Variants in SHC3 observed in about 807,000 individuals in gnomAD.
SHC3 encodes SHC adaptor protein 3, also known as SHC-transforming protein 3.
In SHC3, 15 loss-of-function variants were observed where a neutral mutation model predicts 60.4. The observed-to-expected ratio is 0.25, with a 90% CI of 0.17 to 0.38. The LOEUF is 0.38. SHC3 is among the 10% of genes least tolerant of loss of function. SHC3 has a pLI of 1.00. For missense variants in SHC3, 677 were observed against 786.1 expected (o/e 0.86, Z 1.66); for synonymous variants, 294 against 325.9 (o/e 0.90, Z 1.05).
chr9:89,014,351 C>T (rs1826060839), intron 11 of SHC3, among the ~76,000 whole-genome samples: 1 of 152,206 alleles, frequency 6.6e-6, no homozygotes, highest in Non-Finnish European at 1.5e-5. Context: ...ATATCACTCA[C>T]ACTTGAAAAA....
chr9:89,065,109 C>T lies in SHC3; in HGVS notation c.835+420G>A, dbSNP rs74357251. Among the ~76,000 whole-genome samples, 420 of 152,210 alleles carry T rather than the reference C, an allele frequency of 2.8e-3. 3 individuals carry two copies. The highest frequency in any genetic ancestry group is 9.8e-3 in the African/African-American group (405 of 41,516). ...AGCTGAAAGGGATATAATCAGACAGCGCCTGAGCTCAGACACTAACCTCTA... is the reference window on the plus strand; with the variant it reads ...AGCTGAAAGGGATATAATCAGACAGTGCCTGAGCTCAGACACTAACCTCTA... On this transcript the variant is annotated intron_variant, in intron 6 of 11. Coordinates refer to ENST00000375835, the MANE Select transcript of SHC3 (RefSeq NM_016848.6).
chr9:89,082,033 C>T (rs1471846732), intron 2 of SHC3, among the ~76,000 whole-genome samples: 1 of 151,724 alleles, frequency 6.6e-6, no homozygotes, highest in Non-Finnish European at 1.5e-5. Flanking sequence ...CAGGCGACCC[C>T]CTTGGTGCTC....
chr9:89,074,978 A>T, intron 4 of SHC3, 131 bp downstream of exon 4: 1 of 1,237,252 alleles, frequency 8.1e-7, no homozygotes. Context: ...AAGTGGCCAA[A>T]GTTCATACTC....
chr9:89,128,792 T>C (rs545253331), intron 1 of SHC3, among the ~76,000 whole-genome samples: 4 of 152,192 alleles, frequency 2.6e-5, no homozygotes, highest in Admixed American at 6.5e-5. Context: ...ACTACAAAGA[T>C]TGGGAGAAAC....
chr9:89,081,507 ACT>A (rs1409522851), intron 2 of SHC3, among the ~76,000 whole-genome samples: 1 of 150,152 alleles, frequency 6.7e-6, no homozygotes, highest in Non-Finnish European at 1.5e-5. Flanking sequence ...GAACCCTGAG[ACT>A]CTAAAGTTCC....
At chr9:89,016,812 C>T (rs567782955) in intron 11 of SHC3, among the ~76,000 whole-genome samples, 3 of 152,166 alleles carry the variant, frequency 2.0e-5, no homozygotes, top group Non-Finnish European at 4.4e-5. Context: ...AAGAATTATA[C>T]ACCACAACCA....
intron 2 of SHC3, among the ~76,000 whole-genome samples, chr9:89,080,967 C>T (rs986933190): frequency 2.0e-4 from 30 of 151,868 alleles, no homozygotes; most frequent in African/African-American, 5.3e-4. Context: ...GGGGTTTCAC[C>T]GTATTAGCCA....
chr9:89,030,701 G>A (rs1025855000), intron 11 of SHC3, among the ~76,000 whole-genome samples: 7 of 152,112 alleles, frequency 4.6e-5, no homozygotes, highest in Non-Finnish European at 1.0e-4. Flanking sequence ...TTACCTGTTT[G>A]TTGGAATCAG....
intron 2 of SHC3, among the ~76,000 whole-genome samples, chr9:89,098,074 T>G (rs1012928860): frequency 1.3e-5 from 2 of 152,194 alleles, no homozygotes; most frequent in Non-Finnish European, 2.9e-5. Flanking sequence ...ACACAACAAT[T>G]TCTATTGTCT....
At chr9:89,102,781 A>C (rs1343839247) in intron 2 of SHC3, among the ~76,000 whole-genome samples, 1 of 152,208 alleles carries the variant, frequency 6.6e-6, no homozygotes, top group Non-Finnish European at 1.5e-5. Context: ...TTTCACTTAA[A>C]GTTGCAGTTT....
intron 11 of SHC3, among the ~76,000 whole-genome samples, chr9:89,018,700 T>C (rs1826143066): frequency 9.2e-6 from 1 of 109,028 alleles, no homozygotes; most frequent in South Asian, 2.9e-4. Flanking sequence ...TCTTTCTTTC[T>C]TTTTTTTTTT....
chr9:89,139,894 A>G (rs1282140536), intron 1 of SHC3, among the ~76,000 whole-genome samples: 3 of 152,194 alleles, frequency 2.0e-5, no homozygotes, highest in African/African-American at 7.2e-5. Flanking sequence ...CTAATGCTCT[A>G]AAGTAGGTAA....
intron 2 of SHC3, among the ~76,000 whole-genome samples, chr9:89,078,714 T>C (rs961899184): frequency 1.3e-5 from 2 of 152,136 alleles, no homozygotes; most frequent in African/African-American, 4.8e-5. Context: ...CTCAACCTCA[T>C]GATCCAGCCT....
Position 89,067,121 on chromosome 9 carries a change from T to C in SHC3, c.784-1541A>G, listed in dbSNP as rs551337758. On this transcript the variant is annotated intron_variant, in intron 5 of 11. Coordinates refer to ENST00000375835, the MANE Select transcript of SHC3 (RefSeq NM_016848.6). ...TCACAGGCTGACTAGGGAAAGGAAA[T>C]GAAAGATCGTCCACCTGGTCAAACT... 1.1e-3 allele frequency among the ~76,000 whole-genome samples: 163 copies of C among 152,316 alleles called. 1 individual carries two copies. The highest frequency in any genetic ancestry group is 3.7e-3 in the African/African-American group (154 of 41,564).
rs1276755895 is a variant in SHC3 at position 89,163,049 on chromosome 9, A to G, written c.474+14938T>C. 1.2e-4 allele frequency among the ~76,000 whole-genome samples: 17 copies of G among 142,794 alleles called. 1 individual carries two copies. Among genetic ancestry groups the G allele is most frequent in the Non-Finnish European group, 1.8e-4 (12 of 65,412 alleles). The allele number at this position is 142,794 out of a possible 152,430, so 93.7% of individuals were successfully genotyped here. ...CAAATCAAAACCACAATGAGATACCATCTCACACCAGTTAGAATGGCAATC... is the reference window on the plus strand; with the variant it reads ...CAAATCAAAACCACAATGAGATACCGTCTCACACCAGTTAGAATGGCAATC... On this transcript the variant is annotated intron_variant, in intron 1 of 11. Transcript: ENST00000375835.
chr9:89,143,738 T>C (rs1423642451), intron 1 of SHC3, among the ~76,000 whole-genome samples: 2 of 152,188 alleles, frequency 1.3e-5, no homozygotes, highest in Non-Finnish European at 2.9e-5. Context: ...GCTGCCGCTC[T>C]GAAATTGATC....
chr9:89,155,511 C>G (rs947426678), intron 1 of SHC3, among the ~76,000 whole-genome samples: 11 of 152,138 alleles, frequency 7.2e-5, no homozygotes, highest in Non-Finnish European at 1.3e-4. Context: ...AGGACTGCTT[C>G]CAGCTCCATT....
chr9:89,024,397 C>T (rs1339089589), intron 11 of SHC3, among the ~76,000 whole-genome samples: 1 of 152,218 alleles, frequency 6.6e-6, no homozygotes, highest in Non-Finnish European at 1.5e-5. Context: ...CCTGCCTCAG[C>T]CTCCTGAGTA....
At chr9:89,062,740 T>C (rs1825111885) in intron 6 of SHC3, among the ~76,000 whole-genome samples, 1 of 152,172 alleles carries the variant, frequency 6.6e-6, no homozygotes, top group Non-Finnish European at 1.5e-5. Context: ...TGTGGGGACT[T>C]TTAAGAGCCC....
Sources: gnomAD v4.1 joint callset for allele counts (sites outside exome capture counted in the v4.1 genomes callset) on GRCh38, gnomAD v4.1.1 for gene constraint, MANE v1.5 for transcripts, NCBI Gene and HGNC (gene_info 2026-07-23, HGNC 2026-07-21) for gene names.